The following TTC28 variants were observed in gnomAD, a reference collection of about 807,000 sequenced individuals.
TTC28 encodes the protein tetratricopeptide repeat domain 28, also known as tetratricopeptide repeat protein 28.
TTC28 carries 61 observed loss-of-function variants against 198.0 expected under a neutral mutation model. The observed-to-expected ratio is 0.31, with a 90% confidence interval of 0.25 to 0.38. TTC28 has a LOEUF of 0.38. TTC28 is among the 10% of genes least tolerant of loss of function. The pLI is 1.00. For synonymous variants in TTC28, 1,171 were observed against 1,297.8 expected (o/e 0.90, Z 2.10); for missense variants, 2,678 against 3,164.0 (o/e 0.85, Z 3.69).
At chr22:28,334,087 T>A (rs2045664104) in intron 2 of TTC28, among the ~76,000 whole-genome samples, 1 of 149,244 alleles carries the variant, frequency 6.7e-6, no homozygotes, top group Admixed American at 6.8e-5. Context: ...CACCTATGAG[T>A]GACAACATAA....
chr22:28,368,598 G>C (rs2046283348), intron 2 of TTC28, among the ~76,000 whole-genome samples: 3 of 151,968 alleles, frequency 2.0e-5, no homozygotes, highest in Admixed American at 2.0e-4. Flanking sequence ...AACAGAAAAA[G>C]ACAAATTAGC....
chr22:27,997,250 T>C (rs1170859218), intron 16 of TTC28, among the ~76,000 whole-genome samples: 2 of 152,218 alleles, frequency 1.3e-5, no homozygotes, highest in Non-Finnish European at 2.9e-5. Flanking sequence ...GGCCGTGAGG[T>C]GACTAGGCAG....
chr22:28,520,022 A>T (rs771367048), intron 2 of TTC28, among the ~76,000 whole-genome samples: 1 of 152,224 alleles, frequency 6.6e-6, no homozygotes, highest in African/African-American at 2.4e-5. Flanking sequence ...ACTATTTTAC[A>T]GTTCTAATAT....
intron 2 of TTC28, among the ~76,000 whole-genome samples, chr22:28,319,641 A>C (rs547330129): frequency 1.3e-5 from 2 of 152,226 alleles, no homozygotes; most frequent in Admixed American, 6.5e-5. Flanking sequence ...TGCTCTAAAA[A>C]TAAAGCTTAT....
chr22:28,632,935 G>A (rs1371687435), intron 1 of TTC28, among the ~76,000 whole-genome samples: 1 of 151,456 alleles, frequency 6.6e-6, no homozygotes, highest in African/African-American at 2.4e-5. Flanking sequence ...AGACCAGCCT[G>A]GCAACATAGC....
intron 2 of TTC28, among the ~76,000 whole-genome samples, chr22:28,577,441 T>C (rs2050168362): frequency 6.6e-6 from 1 of 152,146 alleles, no homozygotes. Flanking sequence ...GTGTATTCTG[T>C]AGACACTGGG....
At chr22:28,072,833 G>A (rs1941043743) in intron 12 of TTC28, among the ~76,000 whole-genome samples, 2 of 152,302 alleles carry the variant, frequency 1.3e-5, no homozygotes, top group African/African-American at 4.8e-5. Flanking sequence ...GATAGAGTGG[G>A]ACACACAATG....
At chr22:28,566,059 TAACAGCCTTAGCAGAGG>T (rs2049963359) in intron 2 of TTC28, among the ~76,000 whole-genome samples, 1 of 151,884 alleles carries the variant, frequency 6.6e-6, no homozygotes, top group Admixed American at 6.6e-5. Flanking sequence ...GGGGGAGGAA[TAACAGCCTTAGCAGAGG>T]AAACAAATGG....
intron 2 of TTC28, among the ~76,000 whole-genome samples, chr22:28,342,650 T>C (rs962958487): frequency 6.6e-6 from 1 of 152,166 alleles, no homozygotes; most frequent in African/African-American, 2.4e-5. Context: ...GAAATGCACA[T>C]ACATACGCAT....
At chr22:28,306,819 T>C (rs1309127290) in intron 2 of TTC28, among the ~76,000 whole-genome samples, 176 bp from the exon 3 acceptor site, 1 of 152,238 alleles carries the variant, frequency 6.6e-6, no homozygotes, top group East Asian at 1.9e-4. Context: ...CATACTTTTA[T>C]CAGGCAACTT....
intron 5 of TTC28, among the ~76,000 whole-genome samples, chr22:28,170,859 C>A (rs117513336): frequency 6.6e-6 from 1 of 152,118 alleles, no homozygotes; most frequent in Non-Finnish European, 1.5e-5. Flanking sequence ...TCACCACCCC[C>A]TCTCAGGCTC....
At chr22:28,328,286 T>TA (rs2045562272) in intron 2 of TTC28, among the ~76,000 whole-genome samples, 1 of 151,454 alleles carries the variant, frequency 6.6e-6, no homozygotes, top group Non-Finnish European at 1.5e-5. Flanking sequence ...TATAATGATT[T>TA]AAAAAAATAG....
At chr22:28,161,630 G>C (rs1921192039) in intron 6 of TTC28, among the ~76,000 whole-genome samples, 1 of 151,306 alleles carries the variant, frequency 6.6e-6, no homozygotes, top group South Asian at 2.1e-4. Flanking sequence ...CTCCAGCCAA[G>C]GTAATAGATG....
chr22:28,220,463 T>C (rs905852281), intron 5 of TTC28, among the ~76,000 whole-genome samples: 14 of 152,200 alleles, frequency 9.2e-5, no homozygotes, highest in African/African-American at 2.9e-4. Flanking sequence ...CTTCCCTGCT[T>C]GTGCAGTTGT....
At chr22:28,411,098 A>G (rs533461263) in intron 2 of TTC28, among the ~76,000 whole-genome samples, 12 of 152,282 alleles carry the variant, frequency 7.9e-5, no homozygotes, top group African/African-American at 2.9e-4. Context: ...CTTGCTAAAC[A>G]GGCAAAGTTT....
chr22:28,337,955 G>A (rs1343474253), intron 2 of TTC28, among the ~76,000 whole-genome samples: 1 of 152,120 alleles, frequency 6.6e-6, no homozygotes, highest in Non-Finnish European at 1.5e-5. Context: ...TTACAATTTG[G>A]CATGTTTTTG....
chr22:28,199,282 A>G (rs1210201434), intron 5 of TTC28, among the ~76,000 whole-genome samples: 4 of 151,246 alleles, frequency 2.6e-5, no homozygotes, highest in African/African-American at 9.7e-5. Context: ...ATAAGGTAGA[A>G]CTACATAAAC....
intron 2 of TTC28, among the ~76,000 whole-genome samples, chr22:28,355,589 TA>T (rs1309357289): frequency 1.3e-5 from 2 of 152,192 alleles, no homozygotes; most frequent in African/African-American, 4.8e-5. Context: ...AAAAATACAG[TA>T]AGTCTAAATA....
intron 5 of TTC28, among the ~76,000 whole-genome samples, chr22:28,245,347 A>G (rs1440876547): frequency 6.6e-6 from 1 of 152,160 alleles, no homozygotes; most frequent in Non-Finnish European, 1.5e-5. Context: ...TAACAATTAC[A>G]ATAATACCAA....
Sources: gnomAD v4.1 joint callset for allele counts (sites outside exome capture counted in the v4.1 genomes callset) on GRCh38, gnomAD v4.1.1 for gene constraint, MANE v1.5 for transcripts, NCBI Gene and HGNC (gene_info 2026-07-23, HGNC 2026-07-21) for gene names.